Variants in OC90 observed in about 807,000 individuals in gnomAD.
OC90 encodes the protein otoconin-90.
OC90 carries 46 observed loss-of-function variants against 47.3 expected under a neutral mutation model. The observed-to-expected ratio is 0.97, with a 90% CI of 0.77 to 1.24. OC90 has a LOEUF of 1.24. OC90 is among the 50% of genes most tolerant of loss of function. OC90 has a pLI of 0.00. For synonymous variants in OC90, 271 were observed against 219.5 expected, an observed-to-expected ratio of 1.23 and a Z score of -2.07; for missense variants, 688 against 583.9, an observed-to-expected ratio of 1.18 and a Z score of -1.84.
chr8:132,041,065 C>T lies in OC90; in HGVS notation c.436G>A (p.Val146Ile), dbSNP rs752466674. The change falls in exon 6 of 14, where the codon GTC becomes ATC. Residue 146 changes from valine to isoleucine, a missense_variant. Transcript: ENST00000254627. ...TTACCACATATGATCTTCTTGCTGACACAATTGACCTCTGTGCTAAGTTTG... is the reference window on the plus strand; with the variant it reads ...TTACCACATATGATCTTCTTGCTGATACAATTGACCTCTGTGCTAAGTTTG... ...PAKLSTEVNCVSKKIICESKD... is the reference protein window; with the variant it reads ...PAKLSTEVNCISKKIICESKD... 95 of 1,608,320 alleles carry T rather than the reference C, an allele frequency of 5.9e-5. No homozygotes were observed. Among genetic ancestry groups the T allele is most frequent in the Non-Finnish European group, 7.5e-5 (88 of 1,174,814 alleles).
At chr8:132,057,494 G>T (rs76642087) in intron 1 of OC90, among the ~76,000 whole-genome samples, 11 of 152,308 alleles carry the variant, frequency 7.2e-5, no homozygotes, top group African/African-American at 2.6e-4. Context: ...AAGTTATAAG[G>T]AGGTATGATT....
chr8:132,047,091 C>T (rs1349547308), intron 2 of OC90, among the ~76,000 whole-genome samples: 2 of 152,186 alleles, frequency 1.3e-5, no homozygotes, highest in East Asian at 1.9e-4. Context: ...AAACTCATTC[C>T]CTTGGAGTTT....
At chr8:132,048,400 TTTGG>T (rs1276946371) in intron 2 of OC90, among the ~76,000 whole-genome samples, 1,559 of 149,936 alleles carry the variant, frequency 0.01, 68 homozygotes, top group African/African-American at 0.037. Context: ...CTGAGAGCAA[TTTGG>T]GATGGTTGGA....
At chr8:132,036,427 A>G (rs1355831425) in intron 9 of OC90, 1 of 780,720 alleles carries the variant, frequency 1.3e-6, no homozygotes, top group Non-Finnish European at 2.4e-6. Context: ...CACTGTGAAC[A>G]GAAATCACCC....
At chr8:132,040,392 C>CAG (rs1469574595) in intron 6 of OC90, among the ~76,000 whole-genome samples, 1 of 152,180 alleles carries the variant, frequency 6.6e-6, no homozygotes, top group Non-Finnish European at 1.5e-5. Flanking sequence ...TATAGGAACC[C>CAG]CTACATGCTG....
At chr8:132,040,032 CAGA>C (rs1379226696) in intron 6 of OC90, among the ~76,000 whole-genome samples, 7 of 152,326 alleles carry the variant, frequency 4.6e-5, no homozygotes, top group South Asian at 2.1e-4. Context: ...ATCCCCAGCA[CAGA>C]AGATTGTCTT....
chr8:132,058,826 G>A (rs1823310542), intron 1 of OC90, among the ~76,000 whole-genome samples: 1 of 152,090 alleles, frequency 6.6e-6, no homozygotes, highest in Admixed American at 6.5e-5. Context: ...CCTCACTAAT[G>A]TGAAGTGGTG....
At chr8:132,026,789 C>G (rs753877137) in intron 13 of OC90, among the ~76,000 whole-genome samples, 7 of 152,160 alleles carry the variant, frequency 4.6e-5, no homozygotes, top group Non-Finnish European at 8.8e-5. Flanking sequence ...GGGCTCTAAA[C>G]CCTCCCCTGG....
intron 10 of OC90, among the ~76,000 whole-genome samples, chr8:132,034,229 A>G (rs1052298749): frequency 1.3e-5 from 2 of 152,242 alleles, no homozygotes; most frequent in African/African-American, 4.8e-5. Flanking sequence ...TACTAGATAC[A>G]TAACCCTGGG....
intron 2 of OC90, chr8:132,049,925 G>T (rs2130863181): frequency 2.1e-6 from 1 of 483,764 alleles, no homozygotes; most frequent in South Asian, 1.4e-5. Context: ...TTGTATAAAT[G>T]GATGTGTCAT....
intron 8 of OC90, among the ~76,000 whole-genome samples, chr8:132,038,264 TA>T (rs1365421944): frequency 5.9e-5 from 9 of 152,138 alleles, no homozygotes; most frequent in Non-Finnish European, 1.3e-4. Context: ...GTTCTGAAAA[TA>T]AACATGCGAA....
intron 5 of OC90, among the ~76,000 whole-genome samples, 183 bp from the exon 6 acceptor site, chr8:132,041,339 G>A (rs534154194): frequency 6.6e-6 from 1 of 152,316 alleles, no homozygotes; most frequent in African/African-American, 2.4e-5. Flanking sequence ...TTTTTAGAGT[G>A]AGAGCTGATC....
At chr8:132,042,448 T>C (rs531711068) in intron 4 of OC90, among the ~76,000 whole-genome samples, 1 of 152,314 alleles carries the variant, frequency 6.6e-6, no homozygotes, top group Non-Finnish European at 1.5e-5. Flanking sequence ...AAATTGATAC[T>C]GAGGCTCGGG....
intron 13 of OC90, among the ~76,000 whole-genome samples, chr8:132,025,804 C>T (rs1586704249): frequency 6.6e-6 from 1 of 152,220 alleles, no homozygotes; most frequent in Non-Finnish European, 1.5e-5. Flanking sequence ...TCAAGGACTG[C>T]AGAGCCTGTC....
At chr8:132,029,249 T>G (rs1822837466) in intron 12 of OC90, 70 bp from the exon 13 acceptor site, 3 of 1,194,056 alleles carry the variant, frequency 2.5e-6, no homozygotes, top group Non-Finnish European at 3.7e-6. Context: ...AAGCACAGCC[T>G]GCTTCTCCCA....
intron 4 of OC90, 102 bp from the exon 5 acceptor site, chr8:132,041,801 T>C: frequency 1.6e-6 from 1 of 643,942 alleles, no homozygotes; most frequent in Non-Finnish European, 2.7e-6. Context: ...TGGTGCCTTA[T>C]CAACCTAGTA....
At chr8:132,027,299 G>A (rs1822774633) in intron 13 of OC90, among the ~76,000 whole-genome samples, 1 of 152,212 alleles carries the variant, frequency 6.6e-6, no homozygotes, top group Non-Finnish European at 1.5e-5. Context: ...AGGTTTGTTG[G>A]TTAAGTGGAT....
chr8:132,048,580 C>T (rs1256440049), intron 2 of OC90, among the ~76,000 whole-genome samples: 4 of 151,458 alleles, frequency 2.6e-5, no homozygotes, highest in Non-Finnish European at 5.9e-5. Flanking sequence ...TTACCAAAAC[C>T]CCCTACACCC....
At chr8:132,042,363 CTTG>C (rs902118800) in intron 4 of OC90, among the ~76,000 whole-genome samples, 1 of 152,086 alleles carries the variant, frequency 6.6e-6, no homozygotes, top group African/African-American at 2.4e-5. Flanking sequence ...TGTCTTTATT[CTTG>C]TTGTTATTTT....
Sources: gnomAD v4.1 joint callset for allele counts (sites outside exome capture counted in the v4.1 genomes callset) on GRCh38, gnomAD v4.1.1 for gene constraint, MANE v1.5 for transcripts, NCBI Gene and HGNC (gene_info 2026-07-23, HGNC 2026-07-21) for gene names.